PCDH15: variants seen among roughly 807,000 people sequenced by gnomAD.
The protein encoded by PCDH15 is protocadherin-15.
Under a neutral mutation model 178.5 loss-of-function variants are expected in PCDH15, and 129 were observed. The ratio of observed to expected loss-of-function variants is 0.72; its 90% CI spans 0.63 to 0.84. The LOEUF is 0.84. Among genes scored for constraint, PCDH15 ranks in the 40% least tolerant of loss-of-function variants. The pLI is 0.00. For missense variants in PCDH15, 2,230 were observed against 2,099.9 expected, an observed-to-expected ratio of 1.06 and a Z score of -1.21; for synonymous variants, 800 against 732.0, an observed-to-expected ratio of 1.09 and a Z score of -1.50.
chr10:55,214,141 T>C (rs1840639266), intron 1 of PCDH15, among the ~76,000 whole-genome samples: 1 of 152,016 alleles, frequency 6.6e-6, no homozygotes, highest in Non-Finnish European at 1.5e-5. Context: ...TTTTTAAAAA[T>C]ATGTTAGAAC....
chr10:55,161,752 AC>A (rs1190917872), intron 2 of PCDH15, among the ~76,000 whole-genome samples: 1 of 152,144 alleles, frequency 6.6e-6, no homozygotes, highest in Non-Finnish European at 1.5e-5. Context: ...TTTTTAACGG[AC>A]CTTATCTTCT....
chr10:54,792,448 A>C (rs2133573745), intron 1 of PCDH15, among the ~76,000 whole-genome samples: 1 of 152,090 alleles, frequency 6.6e-6, no homozygotes. Flanking sequence ...ATACTTGGTT[A>C]AACATTATTC....
At chr10:55,215,636 G>A (rs1227658356) in intron 1 of PCDH15, among the ~76,000 whole-genome samples, 1 of 152,024 alleles carries the variant, frequency 6.6e-6, no homozygotes, top group Non-Finnish European at 1.5e-5. Context: ...AAATTGATAA[G>A]TGTTGTATGT....
At chr10:55,448,208 C>T (rs1839359042) in intron 2 of PCDH15, among the ~76,000 whole-genome samples, 1 of 151,988 alleles carries the variant, frequency 6.6e-6, no homozygotes, top group South Asian at 2.1e-4. Context: ...AATGACCTGG[C>T]TAAGCTAGTT....
At chr10:53,963,288 T>C (rs2088565344) in intron 21 of PCDH15, among the ~76,000 whole-genome samples, 1 of 152,328 alleles carries the variant, frequency 6.6e-6, no homozygotes, top group South Asian at 2.1e-4. Flanking sequence ...TTTCATATAC[T>C]ACACGTCACC....
chr10:55,545,271 CT>C (rs35082183), intron 2 of PCDH15, among the ~76,000 whole-genome samples: 379 of 140,926 alleles, frequency 2.7e-3, no homozygotes, highest in Middle Eastern at 3.8e-3. Flanking sequence ...TGCTCAGTTC[CT>C]TTTTTTTTTT....
intron 16 of PCDH15, among the ~76,000 whole-genome samples, chr10:54,088,453 G>C (rs1009403441): frequency 6.6e-6 from 1 of 152,028 alleles, no homozygotes; most frequent in Non-Finnish European, 1.5e-5. Flanking sequence ...CTTGAGACAT[G>C]TTTCACACCA....
intron 35 of PCDH15, among the ~76,000 whole-genome samples, 165 bp from the exon 36 acceptor site, chr10:53,811,784 G>GTGTT (rs1196538882): frequency 3.9e-5 from 6 of 152,218 alleles, no homozygotes; most frequent in East Asian, 1.9e-4. Context: ...CTATTTAAAA[G>GTGTT]TGTTAGTCAA....
intron 2 of PCDH15, among the ~76,000 whole-genome samples, chr10:55,524,463 T>C (rs1213690900): frequency 6.6e-6 from 1 of 151,706 alleles, no homozygotes; most frequent in African/African-American, 2.4e-5. Flanking sequence ...ATCTCATTAA[T>C]GGTGTTAATT....
chr10:55,220,329 A>T (rs1840834664), intron 1 of PCDH15, among the ~76,000 whole-genome samples: 1 of 151,942 alleles, frequency 6.6e-6, no homozygotes, highest in South Asian at 2.1e-4. Context: ...CACATTTTTG[A>T]CTTATAGAAT....
chr10:55,563,673 C>T (rs941171205), intron 2 of PCDH15, among the ~76,000 whole-genome samples: 3 of 149,086 alleles, frequency 2.0e-5, no homozygotes, highest in Non-Finnish European at 3.0e-5. Flanking sequence ...GGTAGATCTA[C>T]TACATAAATA....
intron 2 of PCDH15, among the ~76,000 whole-genome samples, chr10:55,602,336 T>C (rs951631680): frequency 1.0e-4 from 14 of 139,040 alleles, no homozygotes; most frequent in Non-Finnish European, 1.5e-4. Flanking sequence ...TGCCCAGGCT[T>C]GCTTAGGTAA....
At chr10:55,035,611 C>T (rs1840716396) in intron 2 of PCDH15, among the ~76,000 whole-genome samples, 1 of 152,076 alleles carries the variant, frequency 6.6e-6, no homozygotes, top group African/African-American at 2.4e-5. Context: ...AGCAACATTG[C>T]ATTTAATTTT....
intron 1 of PCDH15, among the ~76,000 whole-genome samples, chr10:55,249,026 C>T (rs1841760370): frequency 6.6e-6 from 1 of 152,134 alleles, no homozygotes; most frequent in Non-Finnish European, 1.5e-5. Context: ...GCATGTCATA[C>T]CTTGTGATAA....
chr10:54,420,552 G>A (rs560392333), intron 3 of PCDH15, among the ~76,000 whole-genome samples: 1 of 152,240 alleles, frequency 6.6e-6, no homozygotes, highest in Admixed American at 6.5e-5. Flanking sequence ...TTTGGGTGTG[G>A]TCTAAATGAA....
intron 3 of PCDH15, among the ~76,000 whole-genome samples, chr10:54,886,227 ATCCTC>A (rs1954356702): frequency 2.0e-5 from 3 of 149,238 alleles, no homozygotes; most frequent in African/African-American, 7.8e-5. Flanking sequence ...AAAATATTTA[ATCCTC>A]TAAGAGCAGG....
At chr10:54,260,332 C>T (rs1427589665) in intron 8 of PCDH15, among the ~76,000 whole-genome samples, 1 of 151,654 alleles carries the variant, frequency 6.6e-6, no homozygotes, top group African/African-American at 2.4e-5. Flanking sequence ...CTGTCGCCCC[C>T]AATTTTTATT....
chr10:54,669,921 G>T (rs2094632177), intron 1 of PCDH15, among the ~76,000 whole-genome samples: 1 of 151,828 alleles, frequency 6.6e-6, no homozygotes, highest in Admixed American at 6.6e-5. Flanking sequence ...GGGTGTGGTG[G>T]TGCACACCTG....
intron 10 of PCDH15, among the ~76,000 whole-genome samples, chr10:54,198,254 T>C (rs2049871985): frequency 6.6e-6 from 1 of 152,224 alleles, no homozygotes; most frequent in South Asian, 2.1e-4. Flanking sequence ...CACATCAGGC[T>C]TTCTGGAGAC....
Sources: allele counts gnomAD v4.1 joint callset (sites outside exome capture counted in the v4.1 genomes callset), GRCh38; gene constraint gnomAD v4.1.1; transcripts MANE v1.5; gene names NCBI Gene and HGNC (gene_info 2026-07-23, HGNC 2026-07-21).